Variants in HIF1AN observed in about 807,000 individuals in gnomAD.
The protein encoded by HIF1AN is hypoxia inducible factor 1 subunit alpha inhibitor.
Under a neutral mutation model 47.7 loss-of-function variants are expected in HIF1AN, and 21 were observed. The ratio of observed to expected loss-of-function variants is 0.44; its 90% CI spans 0.31 to 0.63. The LOEUF (loss-of-function observed/expected upper bound fraction) is 0.63, where lower values mean the gene tolerates loss of function less well. HIF1AN is among the 30% of genes least tolerant of loss of function. HIF1AN has a pLI of 0.07. For missense variants in HIF1AN, 320 were observed against 432.7 expected (o/e 0.74, Z 2.31); for synonymous variants, 152 against 155.9 (o/e 0.98, Z 0.18).
In HIF1AN at chr10:100,554,833, A is replaced by G. The variant is rs1843201086; in HGVS notation, c.*6696A>G. ...AAAAAAAAAAAAAAAAATTATGAGT[A>G]TGTTAAGATTGTTCTAGGGGAGAAG... On this transcript the variant is annotated 3_prime_UTR_variant, in exon 8 of 8. Coordinates refer to ENST00000299163, the MANE Select transcript of HIF1AN (RefSeq NM_017902.3). The G allele has an allele frequency of 1.3e-5, 2 of 151,830 alleles. No individual in the cohort carries two copies. Among genetic ancestry groups the G allele is most frequent in the African/African-American group, 4.8e-5 (2 of 41,340 alleles). The allele number at this position is 151,830 out of a possible 1,614,324, so 9.4% of individuals were successfully genotyped here. A position where few individuals can be genotyped will look rare whatever the true frequency, so the allele number is the denominator to read the frequency against.
In HIF1AN at chr10:100,545,058, C is replaced by G. The variant is rs199568792; in HGVS notation, c.685C>G (p.Pro229Ala). 89 of 1,614,106 alleles carry G rather than the reference C, an allele frequency of 5.5e-5. No individual in the cohort carries two copies. Among genetic ancestry groups the G allele is most frequent in the Non-Finnish European group, 4.3e-5 (51 of 1,180,050 alleles). The change falls in exon 4 of 8, where the codon CCA (proline) becomes GCA (alanine). Residue 229 changes from proline (P) to alanine (A), a missense_variant. Pro to Ala is a conservative substitution (Grantham distance 27). Around this residue, in one of 2 missense-constraint regions of HIF1AN, gnomAD observed 161 missense variants for 272.8 expected, o/e 0.59. Coordinates refer to ENST00000299163, the MANE Select transcript of HIF1AN (RefSeq NM_017902.3). ...TCCGGATCAGTTCGAGTGCCTCTAC[C>G]CATACCCTGTTCATCACCCATGTGA... The part of the protein sequence containing the change: ...FPPDQFECLY[P>A]YPVHHPCDRQ...
rs1025027851 is a variant in HIF1AN at position 100,557,203 on chromosome 10, A to G, written c.*9066A>G. The G allele has an allele frequency of 3.9e-5, 6 of 152,424 alleles. No homozygotes were observed. The highest frequency in any genetic ancestry group is 2.6e-4 in the Admixed American group (4 of 15,304). The allele number at this position is 152,424 out of a possible 1,614,324, so 9.4% of individuals were successfully genotyped here. A position where few individuals can be genotyped will look rare whatever the true frequency, so the allele number is the denominator to read the frequency against. On this transcript the variant is annotated 3_prime_UTR_variant, in exon 8 of 8. Transcript: ENST00000299163. ...GGGCAGGAGGATGTCTGTGGAGGAC[A>G]CAGTGTGGCTGAGTGGAGAGAACAC...
chr10:100,537,792 C>G lies in HIF1AN; in HGVS notation c.428+1131C>G, dbSNP rs7909095. On this transcript the variant is annotated intron_variant, in intron 2 of 7. Coordinates refer to ENST00000299163, the MANE Select transcript of HIF1AN (RefSeq NM_017902.3). ...CTGTTCCTGACTCCTTATCAGCAGT[C>G]TGTGGCTAAGTGAATGGATTTGAAA... is the stretch of plus-strand genomic sequence containing the variant. 7.7e-3 allele frequency among the ~76,000 whole-genome samples: 1,178 copies of G among 152,328 alleles called. 15 individuals carry two copies. Among genetic ancestry groups the G allele is most frequent in the African/African-American group, 0.025 (1,053 of 41,562 alleles).
rs748230581 is a variant in HIF1AN at position 100,536,404 on chromosome 10, C to A, written c.178-7C>A. On this transcript the variant is annotated splice_region_variant and splice_polypyrimidine_tract_variant and intron_variant, in intron 1 of 7. Coordinates refer to ENST00000299163, the MANE Select transcript of HIF1AN (RefSeq NM_017902.3). ...TTTGGTGTTTTTCACCTGTTGTTTT[C>A]ATTTAGGAGCCTGTGGTGCTGACCG... is the stretch of plus-strand genomic sequence containing the variant. 3.3e-5 allele frequency: 53 copies of A among 1,612,622 alleles called. No individual in the cohort carries two copies. The highest frequency in any genetic ancestry group is 4.1e-5 in the Non-Finnish European group (48 of 1,179,198).
chr10:100,542,858 T>TG (rs1843055052), intron 3 of HIF1AN, among the ~76,000 whole-genome samples: 2 of 149,112 alleles, frequency 1.3e-5, no homozygotes, highest in Admixed American at 6.7e-5. Flanking sequence ...TTTTTTTTTT[T>TG]TTTTTTTTTT....
At chr10:100,536,770 C>A in intron 2 of HIF1AN, 109 bp downstream of exon 2, 1 of 1,216,484 alleles carries the variant, frequency 8.2e-7, no homozygotes, top group South Asian at 1.4e-5. Context: ...TGGCCTCTCC[C>A]ATCTCTGGAT....
Position 100,558,693 on chromosome 10 carries a change from A to G in HIF1AN, c.*10556A>G, listed in dbSNP as rs1843234085. 6.6e-6 allele frequency: 1 copy of G among 152,210 alleles called. No homozygotes were observed. Among genetic ancestry groups the G allele is most frequent in the African/African-American group, 2.4e-5 (1 of 41,456 alleles). The allele number at this position is 152,210 out of a possible 1,614,324, so 9.4% of individuals were successfully genotyped here. ...ATGTGATAGGGCTTTATGAGGCCAC[A>G]AATAGCACTTTCTGGGTCCTTTCAC... On this transcript the variant is annotated 3_prime_UTR_variant, in exon 8 of 8. Coordinates refer to ENST00000299163, the MANE Select transcript of HIF1AN (RefSeq NM_017902.3).
rs1843228075 is a variant in HIF1AN, at chr10:100,557,933, G to A, written c.*9796G>A. The A allele has an allele frequency of 6.6e-6, 1 of 152,192 alleles. No homozygotes were observed. Among genetic ancestry groups the A allele is most frequent in the Non-Finnish European group, 1.5e-5 (1 of 68,048 alleles). The allele number at this position is 152,192 out of a possible 1,614,324, so 9.4% of individuals were successfully genotyped here. A position where few individuals can be genotyped will look rare whatever the true frequency, so the allele number is the denominator to read the frequency against. The stretch of plus-strand genomic sequence containing the variant: ...GGAGGACTCAACTGTGCATGTCTTA[G>A]TGTGAACAAGTAACATCAGATTTCC... On this transcript the variant is annotated 3_prime_UTR_variant, in exon 8 of 8. Coordinates refer to ENST00000299163, the MANE Select transcript of HIF1AN (RefSeq NM_017902.3).
In HIF1AN at chr10:100,548,180, G is replaced by T. The variant is rs756266852; in HGVS notation, c.*43G>T. 2 of 1,535,518 alleles carry T rather than the reference G, an allele frequency of 1.3e-6. No individual in the cohort carries two copies. The highest frequency in any genetic ancestry group is 1.2e-5 in the South Asian group (1 of 82,766). On this transcript the variant is annotated 3_prime_UTR_variant, in exon 8 of 8. Coordinates refer to ENST00000299163, the MANE Select transcript of HIF1AN (RefSeq NM_017902.3). ...CCTCCTGCCAGGTGACTGCTATCCC[G>T]TCCACACCGCTTCATTGATGAGGAC...
At chr10:100,541,317 G>A (rs529472409) in intron 3 of HIF1AN, among the ~76,000 whole-genome samples, 129 of 152,338 alleles carry the variant, frequency 8.5e-4, no homozygotes, top group Middle Eastern at 3.4e-3. Flanking sequence ...CTTGAAGCCA[G>A]AAGTTTGAGG....
At chr10:100,544,422 A>G (rs911504089) in intron 3 of HIF1AN, among the ~76,000 whole-genome samples, 14 of 152,206 alleles carry the variant, frequency 9.2e-5, no homozygotes, top group African/African-American at 2.9e-4. Context: ...TAAAAAAACA[A>G]GTATTGCATT....
At chr10:100,546,152 T>C in intron 5 of HIF1AN, 103 bp downstream of exon 5, 2 of 843,826 alleles carry the variant, frequency 2.4e-6, no homozygotes, top group Non-Finnish European at 4.0e-6. Flanking sequence ...ATTGGTTTTA[T>C]GTGGTCTATA....
rs1843229063 is a variant in HIF1AN, at chr10:100,558,061, G to C, written c.*9924G>C. 1 of 152,456 alleles carries C rather than the reference G, an allele frequency of 6.6e-6. No homozygotes were observed. 9.4% of individuals were successfully genotyped at this position (152,456 alleles called of 1,614,324 possible). A position where few individuals can be genotyped will look rare whatever the true frequency, so the allele number is the denominator to read the frequency against. On this transcript the variant is annotated 3_prime_UTR_variant, in exon 8 of 8. Coordinates refer to ENST00000299163, the MANE Select transcript of HIF1AN (RefSeq NM_017902.3). ...CTCCACAGTACTGGAGATGGAGTAGGGACCTCTGGGAATCGTTGGCATGGG... is the reference window on the plus strand; with the variant it reads ...CTCCACAGTACTGGAGATGGAGTAGCGACCTCTGGGAATCGTTGGCATGGG...
intron 3 of HIF1AN, among the ~76,000 whole-genome samples, chr10:100,543,885 T>C (rs1843070012): frequency 2.0e-5 from 3 of 152,196 alleles, no homozygotes; most frequent in Admixed American, 6.5e-5. Context: ...ACTTGACTCT[T>C]ATGTCTTTCT....
chr10:100,536,050 A>T lies in HIF1AN; in HGVS notation c.92A>T (p.Gln31Leu), dbSNP rs370894479. Residue 31 changes from glutamine (Q) to leucine (L), a missense_variant, in exon 1 of 8, where the codon CAG (glutamine) becomes CTG (leucine). Gln to Leu is a moderately radical substitution (Grantham distance 113, BLOSUM62 -2). This residue lies in a region of HIF1AN where 159 missense variants were observed against 159.9 expected (regional missense o/e 0.99). Coordinates refer to ENST00000299163, the MANE Select transcript of HIF1AN (RefSeq NM_017902.3). The part of the protein sequence containing the change: ...GALGPAWDES[Q>L]LRSYSFPTRP... ...CTCGGCCCCGCCTGGGATGAATCCCAGTTGCGCAGTTATAGCTTCCCGACT... is the reference window on the plus strand; with the variant it reads ...CTCGGCCCCGCCTGGGATGAATCCCTGTTGCGCAGTTATAGCTTCCCGACT... The T allele has an allele frequency of 2.6e-5, 42 of 1,611,176 alleles. No homozygotes were observed. Among genetic ancestry groups the T allele is most frequent in the Non-Finnish European group, 3.5e-5 (41 of 1,179,092 alleles).
chr10:100,541,090 G>A (rs906926968), intron 3 of HIF1AN, among the ~76,000 whole-genome samples: 4 of 152,104 alleles, frequency 2.6e-5, no homozygotes, highest in South Asian at 2.1e-4. Context: ...ATGGTGGTGC[G>A]TGCCTGTAGT....
rs1442410915 is a variant in HIF1AN at position 100,547,162 on chromosome 10, T to C, written c.917T>C (p.Ile306Thr). ...WYKGAPTPKR[I>T]EYPLKAHQKV... ...TAGGGGGCTCCCACCCCTAAGAGAA[T>C]TGAATATCCTCTCAAAGCTCATCAG... The change falls in exon 7 of 8, where the codon ATT (isoleucine) becomes ACT (threonine). Residue 306 changes from isoleucine (I) to threonine (T), a missense_variant. Ile to Thr is a moderately conservative substitution (Grantham distance 89, BLOSUM62 -1). This residue lies in a region of HIF1AN where 161 missense variants were observed against 272.8 expected (regional missense o/e 0.59). Coordinates refer to ENST00000299163, the MANE Select transcript of HIF1AN (RefSeq NM_017902.3). 6.2e-7 allele frequency: 1 copy of C among 1,613,802 alleles called. No homozygotes were observed. Among genetic ancestry groups the C allele is most frequent in the South Asian group, 1.1e-5 (1 of 90,980 alleles).
intron 4 of HIF1AN, 135 bp from the exon 5 acceptor site, chr10:100,545,808 A>G: frequency 1.6e-6 from 1 of 643,410 alleles, no homozygotes; most frequent in Non-Finnish European, 2.7e-6. Flanking sequence ...CTGGATATAA[A>G]TTCCAAATAC....
intron 2 of HIF1AN, among the ~76,000 whole-genome samples, chr10:100,539,174 C>T (rs947098220): frequency 2.0e-5 from 3 of 152,118 alleles, no homozygotes; most frequent in African/African-American, 4.8e-5. Context: ...TTAGGCAATC[C>T]ACCTCCCTTG....
Sources: allele counts gnomAD v4.1 joint callset (sites outside exome capture counted in the v4.1 genomes callset), GRCh38; gene constraint gnomAD v4.1.1; regional missense constraint gnomAD v4.1.1; transcripts MANE v1.5; gene names NCBI Gene and HGNC (gene_info 2026-07-23, HGNC 2026-07-21).